Variants in PRDM2 observed in about 807,000 individuals in gnomAD.
The protein encoded by PRDM2 is PR domain zinc finger protein 2.
In PRDM2, 30 loss-of-function variants were observed where a neutral mutation model predicts 130.0. The ratio of observed to expected loss-of-function variants is 0.23; its 90% CI spans 0.17 to 0.31. The LOEUF (loss-of-function observed/expected upper bound fraction) is 0.31, where lower values mean the gene tolerates loss of function less well. Among genes scored for constraint, PRDM2 ranks in the 10% least tolerant of loss-of-function variants. PRDM2 has a pLI of 1.00. For synonymous variants in PRDM2, 871 were observed against 782.4 expected (o/e 1.11, Z -1.89); for missense variants, 2,011 against 2,108.4 (o/e 0.95, Z 0.90).
At chr1:13,754,928 A>G (rs1257042305) in intron 6 of PRDM2, among the ~76,000 whole-genome samples, 1 of 151,830 alleles carries the variant, frequency 6.6e-6, no homozygotes, top group African/African-American at 2.4e-5. Flanking sequence ...TGGGTTGGTC[A>G]GTCTTGGAGG....
chr1:13,777,681 C>T (rs1431712632), intron 7 of PRDM2, among the ~76,000 whole-genome samples: 2 of 109,600 alleles, frequency 1.8e-5, no homozygotes, highest in Non-Finnish European at 3.5e-5. Flanking sequence ...TAGGTCTCTC[C>T]TCCACTGTCA....
At chr1:13,792,669 T>C (rs1644858743) in intron 8 of PRDM2, among the ~76,000 whole-genome samples, 1 of 152,224 alleles carries the variant, frequency 6.6e-6, no homozygotes, top group Non-Finnish European at 1.5e-5. Flanking sequence ...ATCTGAATCA[T>C]CAAAGTGTCA....
In PRDM2 at chr1:13,779,304, T is replaced by G. The variant is rs748781345; in HGVS notation, c.1509T>G (p.Arg503=). The G allele has an allele frequency of 6.2e-6, 10 of 1,613,938 alleles. No individual in the cohort carries two copies. The highest frequency in any genetic ancestry group is 8.5e-6 in the Non-Finnish European group (10 of 1,179,970). ...GTHTNMRRHQ[R]RVHERHLIPK... is the part of the protein sequence containing the mutation. ...ATACTAATATGAGACGGCATCAGCG[T>G]AGAGTTCACGAACGTCATCTGATTC... is the stretch of plus-strand genomic sequence containing the variant. The change falls in exon 8 of 10, where the codon CGT becomes CGG. Residue 503 remains arginine (R), a synonymous_variant. Coordinates refer to ENST00000311066, the MANE Select transcript of PRDM2 (RefSeq NM_001393986.1). The surrounding 1 kb of genome is among the most constrained non-coding windows in gnomAD (Gnocchi z 4.9).
At chr1:13,800,815 A>G (rs755814104) in intron 8 of PRDM2, among the ~76,000 whole-genome samples, 6 of 152,164 alleles carry the variant, frequency 3.9e-5, no homozygotes, top group African/African-American at 7.2e-5. Context: ...GTCTCCTCTC[A>G]TAAGAGCCTC....
rs1184363194 is a variant in PRDM2 at position 13,749,481 on chromosome 1, C to T, written c.505C>T (p.Arg169Trp). ...ARSKRSSPKS[R>W]KGKKKSQENK... ...GAGCAAGCGGAGCTCCCCCAAGAGC[C>T]GGAAAGGTAGGAGCCCCCCGGCCCG... Residue 169 changes from arginine to tryptophan, a missense_variant, in exon 6 of 10, where the codon CGG becomes TGG. Arg to Trp is a moderately radical substitution (Grantham distance 101, BLOSUM62 -3). Transcript: ENST00000311066. 6.2e-6 allele frequency: 9 copies of T among 1,456,156 alleles called. No individual in the cohort carries two copies. The highest frequency in any genetic ancestry group is 6.4e-5 in the East Asian group (2 of 31,372). The allele number at this position is 1,456,156 out of a possible 1,614,324, so 90.2% of individuals were successfully genotyped here.
intron 2 of PRDM2, among the ~76,000 whole-genome samples, chr1:13,719,620 A>G (rs184094736): frequency 6.6e-6 from 1 of 152,194 alleles, no homozygotes; most frequent in South Asian, 2.1e-4. Flanking sequence ...TTTTTGAAAG[A>G]GGGTACTTTT....
At chr1:13,732,928 AATT>A (rs771357880) in intron 4 of PRDM2, 46 bp downstream of exon 4, 4 of 1,261,142 alleles carry the variant, frequency 3.2e-6, no homozygotes, top group East Asian at 2.4e-5. Flanking sequence ...TTTATGAAAT[AATT>A]ATTCTGTTCT....
intron 6 of PRDM2, among the ~76,000 whole-genome samples, chr1:13,758,583 C>T (rs1354806424): frequency 6.6e-6 from 1 of 152,070 alleles, no homozygotes; most frequent in East Asian, 1.9e-4. Context: ...TCTGTTCTAA[C>T]CTGTTCTCTG....
chr1:13,743,117 C>A (rs1643495867), intron 5 of PRDM2, among the ~76,000 whole-genome samples: 1 of 151,866 alleles, frequency 6.6e-6, no homozygotes, highest in Admixed American at 6.6e-5. Flanking sequence ...AAGACAGATC[C>A]GGACGGGCGC....
chr1:13,753,412 G>A (rs1643882807), intron 6 of PRDM2, among the ~76,000 whole-genome samples: 1 of 152,144 alleles, frequency 6.6e-6, no homozygotes, highest in Non-Finnish European at 1.5e-5. Context: ...AGTCACCACA[G>A]AACAGTTAAA....
At chr1:13,774,055 T>C (rs1317610014) in intron 7 of PRDM2, among the ~76,000 whole-genome samples, 1 of 152,246 alleles carries the variant, frequency 6.6e-6, no homozygotes, top group African/African-American at 2.4e-5. Flanking sequence ...ATTTAAATTC[T>C]TATTTTGTCT....
At chr1:13,809,994 ATCT>A (rs1168153506) in intron 8 of PRDM2, among the ~76,000 whole-genome samples, 1 of 152,042 alleles carries the variant, frequency 6.6e-6, no homozygotes, top group Non-Finnish European at 1.5e-5. Context: ...GAGCACACGC[ATCT>A]TCTTACAAGG....
chr1:13,721,346 A>T (rs1642722807), intron 2 of PRDM2, among the ~76,000 whole-genome samples: 1 of 152,054 alleles, frequency 6.6e-6, no homozygotes, highest in Non-Finnish European at 1.5e-5. Flanking sequence ...AATTCTAAAA[A>T]TATATATGAT....
chr1:13,730,973 G>T, intron 2 of PRDM2, 27 bp from the exon 3 acceptor site: 1 of 1,453,080 alleles, frequency 6.9e-7, no homozygotes, highest in Non-Finnish European at 9.3e-7. Context: ...TTCTTTTGCT[G>T]TGATCCTTCC....
At chr1:13,751,219 C>T (rs1643825634) in intron 6 of PRDM2, among the ~76,000 whole-genome samples, 1 of 152,080 alleles carries the variant, frequency 6.6e-6, no homozygotes, top group Non-Finnish European at 1.5e-5. Flanking sequence ...CATTTTTATA[C>T]CTGCGTAGAC....
At chr1:13,786,607 G>T in intron 8 of PRDM2, 1 of 1,589,570 alleles carries the variant, frequency 6.3e-7, no homozygotes, top group East Asian at 2.2e-5. Context: ...TACGGCAAAG[G>T]ATACGAAATC....
chr1:13,736,537 A>G (rs954461151), intron 4 of PRDM2, among the ~76,000 whole-genome samples: 74 of 152,238 alleles, frequency 4.9e-4, no homozygotes, highest in Admixed American at 2.7e-3. Flanking sequence ...ATGATTATAA[A>G]TAATTTTTCA....
At chr1:13,704,025 A>C (rs895085224) in intron 1 of PRDM2, among the ~76,000 whole-genome samples, 13 of 152,214 alleles carry the variant, frequency 8.5e-5, no homozygotes, top group Non-Finnish European at 1.8e-4. Flanking sequence ...CTCTAGGGGG[A>C]AAAGTATAAG....
At chr1:13,804,174 T>TG (rs1645052642) in intron 8 of PRDM2, among the ~76,000 whole-genome samples, 1 of 152,160 alleles carries the variant, frequency 6.6e-6, no homozygotes, top group Non-Finnish European at 1.5e-5. Context: ...AGACAGCGCA[T>TG]GGGCCAGTGT....
Sources: allele counts gnomAD v4.1 joint callset (sites outside exome capture counted in the v4.1 genomes callset), GRCh38; gene constraint gnomAD v4.1.1; non-coding constraint Gnocchi (gnomAD v3.1); transcripts MANE v1.5; gene names NCBI Gene and HGNC (gene_info 2026-07-23, HGNC 2026-07-21).